ANKRD13C: variants seen among roughly 807,000 people sequenced by gnomAD.
ANKRD13C encodes the protein ankyrin repeat domain-containing protein 13C.
Under a neutral mutation model 65.5 loss-of-function variants are expected in ANKRD13C, and 16 were observed. That is an observed-to-expected ratio of 0.24 (90% CI 0.17 to 0.37). The LOEUF (loss-of-function observed/expected upper bound fraction) is 0.37, where lower values mean the gene tolerates loss of function less well. Ranked by LOEUF, ANKRD13C falls within the 10% of genes least tolerant of loss-of-function variation. The pLI, the probability that ANKRD13C is intolerant of heterozygous loss-of-function variation, is 1.00. For synonymous variants in ANKRD13C, 235 were observed against 238.7 expected (o/e 0.98, Z 0.14); for missense variants, 503 against 655.9 (o/e 0.77, Z 2.55).
At chr1:70,348,732 C>A (rs560671862) in intron 1 of ANKRD13C, among the ~76,000 whole-genome samples, 2 of 152,196 alleles carry the variant, frequency 1.3e-5, no homozygotes, top group East Asian at 3.9e-4. Flanking sequence ...AACTTAAATT[C>A]GAAATCTCTA....
intron 7 of ANKRD13C, among the ~76,000 whole-genome samples, chr1:70,297,311 T>TTTTTTTTTTA (rs1680131292): frequency 6.9e-6 from 1 of 144,400 alleles, no homozygotes; most frequent in Admixed American, 6.9e-5. Context: ...TTTTTTTTTT[T>TTTTTTTTTTA]GAGACAGAGT....
At chr1:70,322,933 A>C (rs1170304077) in intron 3 of ANKRD13C, among the ~76,000 whole-genome samples, 1 of 152,092 alleles carries the variant, frequency 6.6e-6, no homozygotes. Flanking sequence ...CAGAGGTTGC[A>C]GGTAAGCCTA....
At chr1:70,352,846 T>C (rs987674753) in intron 1 of ANKRD13C, among the ~76,000 whole-genome samples, 4 of 152,248 alleles carry the variant, frequency 2.6e-5, no homozygotes, top group African/African-American at 9.6e-5. Flanking sequence ...GGTGATTTTA[T>C]TACAATTACA....
chr1:70,346,813 C>T (rs377338484), intron 1 of ANKRD13C, among the ~76,000 whole-genome samples: 2 of 152,082 alleles, frequency 1.3e-5, no homozygotes, highest in African/African-American at 2.4e-5. Context: ...TTGTGTCGGG[C>T]GGGCGCGGTG....
chr1:70,336,537 A>C (rs1489927529), intron 1 of ANKRD13C, among the ~76,000 whole-genome samples: 2 of 152,152 alleles, frequency 1.3e-5, no homozygotes, highest in East Asian at 3.8e-4. Context: ...TATTAAATAG[A>C]AGGGAGTACA....
chr1:70,262,975 A>AAG (rs150797478), intron 12 of ANKRD13C, 128 bp from the exon 13 acceptor site: 17,725 of 729,018 alleles, frequency 0.024, 731 homozygotes, highest in East Asian at 0.09. Context: ...CAAGAACCAG[A>AAG]AGAATTCAAA....
intron 9 of ANKRD13C, among the ~76,000 whole-genome samples, chr1:70,285,381 T>C (rs1173675872): frequency 6.6e-6 from 1 of 151,648 alleles, no homozygotes; most frequent in African/African-American, 2.4e-5. Flanking sequence ...ATTTAGTTGA[T>C]ATGGGGTTTC....
intron 12 of ANKRD13C, among the ~76,000 whole-genome samples, chr1:70,269,904 T>A (rs1678802446): frequency 6.6e-6 from 1 of 152,192 alleles, no homozygotes; most frequent in Non-Finnish European, 1.5e-5. Flanking sequence ...ACAGCACTCA[T>A]TAAATACTGA....
At chr1:70,330,271 A>G (rs546291553) in intron 2 of ANKRD13C, among the ~76,000 whole-genome samples, 1 of 152,234 alleles carries the variant, frequency 6.6e-6, no homozygotes, top group South Asian at 2.1e-4. Flanking sequence ...GAAATCACAC[A>G]TTTAGGCCGG....
intron 9 of ANKRD13C, among the ~76,000 whole-genome samples, chr1:70,285,569 A>G (rs1679585399): frequency 6.6e-6 from 1 of 151,824 alleles, no homozygotes; most frequent in African/African-American, 2.4e-5. Context: ...AATTTATTTG[A>G]TAGGTCTCTC....
intron 6 of ANKRD13C, among the ~76,000 whole-genome samples, chr1:70,304,143 G>A (rs1680492499): frequency 1.3e-5 from 2 of 152,160 alleles, no homozygotes; most frequent in South Asian, 4.1e-4. Flanking sequence ...CTGGGCTCAG[G>A]TGATCCTCCC....
intron 3 of ANKRD13C, among the ~76,000 whole-genome samples, chr1:70,319,727 T>G (rs992424483): frequency 5.3e-5 from 8 of 152,042 alleles, no homozygotes; most frequent in African/African-American, 1.9e-4. Flanking sequence ...ACCCACCTTT[T>G]TAACTTCTAA....
intron 2 of ANKRD13C, among the ~76,000 whole-genome samples, chr1:70,326,400 C>T (rs1013568441): frequency 3.3e-5 from 5 of 151,904 alleles, no homozygotes; most frequent in African/African-American, 4.8e-5. Context: ...TGGAATATAA[C>T]ATGTAAATTA....
At chr1:70,298,889 C>T (rs1680204545) in intron 7 of ANKRD13C, among the ~76,000 whole-genome samples, 1 of 152,090 alleles carries the variant, frequency 6.6e-6, no homozygotes, top group South Asian at 2.1e-4. Context: ...ATTTTAATAT[C>T]TAAAAATATT....
intron 12 of ANKRD13C, among the ~76,000 whole-genome samples, chr1:70,270,601 T>G (rs1239908724): frequency 6.6e-6 from 1 of 152,070 alleles, no homozygotes; most frequent in African/African-American, 2.4e-5. Flanking sequence ...CCCTCACATG[T>G]GAAGTTCACA....
At chr1:70,292,661 G>T in intron 8 of ANKRD13C, 112 bp from the exon 9 acceptor site, 1 of 759,908 alleles carries the variant, frequency 1.3e-6, no homozygotes. Flanking sequence ...TATTCCTTTG[G>T]TACTTGAAAT....
rs1479427980 is a variant in ANKRD13C at position 70,276,784 on chromosome 1, T to C, written c.1276A>G (p.Ile426Val). Residue 426 changes from isoleucine (I) to valine (V), a missense_variant, in exon 10 of 13, where the codon ATA becomes GTA. Around this residue, in one of 2 missense-constraint regions of ANKRD13C, gnomAD observed 300 missense variants for 478.3 expected, o/e 0.63. Coordinates refer to ENST00000370944, the MANE Select transcript of ANKRD13C (RefSeq NM_030816.5). ...PQNTITWEEY[I>V]SAENGKAPHL... Reference sequence around the variant, plus strand: ...ACTTACTTTCCATTTTCAGCAGATATATATTCTTCCCATGTAATAGTGTTC... The same window carrying C: ...ACTTACTTTCCATTTTCAGCAGATACATATTCTTCCCATGTAATAGTGTTC... 4 of 1,601,046 alleles carry C rather than the reference T, an allele frequency of 2.5e-6. No homozygotes were observed. The highest frequency in any genetic ancestry group is 4.5e-5 in the East Asian group (2 of 44,720).
At chr1:70,280,926 T>G (rs942768512) in intron 9 of ANKRD13C, among the ~76,000 whole-genome samples, 1 of 152,016 alleles carries the variant, frequency 6.6e-6, no homozygotes, top group Non-Finnish European at 1.5e-5. Context: ...ATAGACTAAA[T>G]AGACTCAAGA....
At chr1:70,314,761 T>C (rs986703755) in intron 4 of ANKRD13C, among the ~76,000 whole-genome samples, 2 of 146,998 alleles carry the variant, frequency 1.4e-5, no homozygotes, top group East Asian at 3.9e-4. Flanking sequence ...AAAAGCACCA[T>C]TAACAGAGAC....
Sources: gnomAD v4.1 joint callset for allele counts (sites outside exome capture counted in the v4.1 genomes callset) on GRCh38, gnomAD v4.1.1 for gene constraint, gnomAD v4.1.1 regional missense constraint, MANE v1.5 for transcripts, NCBI Gene and HGNC (gene_info 2026-07-23, HGNC 2026-07-21) for gene names.